Variants in PXDNL observed in about 807,000 individuals in gnomAD.
The protein encoded by PXDNL is probable oxidoreductase PXDNL.
Under a neutral mutation model 150.8 loss-of-function variants are expected in PXDNL, and 145 were observed. That is an observed-to-expected ratio of 0.96 (90% confidence interval 0.84 to 1.10). The LOEUF (loss-of-function observed/expected upper bound fraction) is 1.10. Among genes scored for constraint, PXDNL ranks in the 50% least tolerant of loss-of-function variants. The pLI is 0.00. For missense variants in PXDNL, 2,087 were observed against 1,873.9 expected (o/e 1.11, Z -2.10); for synonymous variants, 757 against 725.7 (o/e 1.04, Z -0.69).
Position 51,556,824 on chromosome 8 carries a change from A to G in PXDNL, c.380+16T>C. On this transcript the variant is annotated intron_variant, in intron 4 of 22. Coordinates refer to ENST00000356297, the MANE Select transcript of PXDNL (RefSeq NM_144651.5). ...GTCACCATGAGTGATTTAATAAAAAAGTTTCTATTACTTACAGATGTTCCA... is the reference window on the plus strand; with the variant it reads ...GTCACCATGAGTGATTTAATAAAAAGGTTTCTATTACTTACAGATGTTCCA... 7.1e-7 allele frequency: 1 copy of G among 1,399,946 alleles called. No individual in the cohort carries two copies. Among genetic ancestry groups the G allele is most frequent in the East Asian group, 2.3e-5 (1 of 43,748 alleles). The allele number at this position is 1,399,946 out of a possible 1,614,324, so 86.7% of individuals were successfully genotyped here. A position where few individuals can be genotyped will look rare whatever the true frequency, so the allele number is the denominator to read the frequency against.
chr8:51,360,042 C>CAAAAAAAAAAAAAAAAAAAAAA (rs1366137848), intron 19 of PXDNL, among the ~76,000 whole-genome samples: 1 of 85,610 alleles, frequency 1.2e-5, no homozygotes, highest in Non-Finnish European at 2.7e-5. Context: ...AAGAGAAAAG[C>CAAAAAAAAAAAAAAAAAAAAAA]AAAAAAAAAA....
intron 1 of PXDNL, among the ~76,000 whole-genome samples, chr8:51,694,005 C>A (rs931175801): frequency 6.6e-6 from 1 of 152,050 alleles, no homozygotes; most frequent in Middle Eastern, 3.2e-3. Flanking sequence ...AGTAATATTC[C>A]AAAGCATCAC....
At chr8:51,468,912 C>T (rs968869039) in intron 8 of PXDNL, among the ~76,000 whole-genome samples, 1 of 151,826 alleles carries the variant, frequency 6.6e-6, no homozygotes, top group African/African-American at 2.4e-5. Flanking sequence ...TTGTTCAGTC[C>T]TTAATAATCT....
intron 1 of PXDNL, among the ~76,000 whole-genome samples, chr8:51,707,590 G>A (rs7816661): frequency 0.022 from 3,278 of 152,100 alleles, 110 homozygotes; most frequent in African/African-American, 0.069. Context: ...TTTGTTAACC[G>A]CAGATACTGT....
intron 1 of PXDNL, among the ~76,000 whole-genome samples, chr8:51,695,564 C>G (rs534278230): frequency 1.3e-5 from 2 of 152,004 alleles, no homozygotes; most frequent in African/African-American, 4.8e-5. Context: ...TTAACAAATT[C>G]GTTGGGTGAG....
intron 4 of PXDNL, among the ~76,000 whole-genome samples, chr8:51,522,924 T>G (rs1811692669): frequency 1.3e-5 from 2 of 151,770 alleles, no homozygotes; most frequent in Non-Finnish European, 2.9e-5. Flanking sequence ...TTTAATAAAA[T>G]ACTTTATCTT....
chr8:51,762,839 C>T (rs533500428), intron 1 of PXDNL, among the ~76,000 whole-genome samples: 3 of 152,264 alleles, frequency 2.0e-5, no homozygotes, highest in African/African-American at 7.2e-5. Flanking sequence ...CAGAGTTTGA[C>T]TCTTTTCATC....
At chr8:51,574,755 A>G (rs961541309) in intron 3 of PXDNL, among the ~76,000 whole-genome samples, 4 of 152,040 alleles carry the variant, frequency 2.6e-5, no homozygotes, top group Non-Finnish European at 5.9e-5. Context: ...GAATTGGTAC[A>G]TTTTTCCAGT....
chr8:51,372,112 G>C (rs28647691), intron 18 of PXDNL, 31 bp from the exon 19 acceptor site: 1 of 1,503,716 alleles, frequency 6.7e-7, no homozygotes, highest in Admixed American at 2.0e-5. Flanking sequence ...AAACATTGTC[G>C]TGGGTCTGTG....
intron 1 of PXDNL, among the ~76,000 whole-genome samples, chr8:51,778,581 T>A (rs2037380445): frequency 6.6e-6 from 1 of 152,070 alleles, no homozygotes; most frequent in African/African-American, 2.4e-5. Flanking sequence ...ACTTTTCCAG[T>A]GAGATATTAT....
At chr8:51,676,783 G>A (rs1355855972) in intron 1 of PXDNL, among the ~76,000 whole-genome samples, 1 of 152,122 alleles carries the variant, frequency 6.6e-6, no homozygotes, top group East Asian at 1.9e-4. Context: ...TCATCACTAT[G>A]TATTATCAAG....
At position 51,798,141 on chromosome 8, in the gene PXDNL, T is replaced by C. The variant is rs1000697976; in HGVS notation, c.164+11040A>G. Among the ~76,000 whole-genome samples the C allele has an allele frequency of 3.9e-5, 6 of 152,154 alleles. No individual in the cohort carries two copies. In the East Asian group the frequency reaches 9.6e-4, roughly 24 times the overall value. On this transcript the variant is annotated intron_variant, in intron 1 of 22. Transcript: ENST00000356297. ...CTAGCCATATGCAGAAAATTGAAAC[T>C]GGACTCATTATACAAAAATTATACC...
intron 2 of PXDNL, among the ~76,000 whole-genome samples, chr8:51,644,561 G>A (rs1250957533): frequency 1.3e-4 from 20 of 150,480 alleles, no homozygotes; most frequent in African/African-American, 3.7e-4. Flanking sequence ...CCAGGTTCAC[G>A]CCATTCTCCT....
chr8:51,356,601 T>C (rs1806518003), intron 19 of PXDNL, among the ~76,000 whole-genome samples: 2 of 152,202 alleles, frequency 1.3e-5, no homozygotes, highest in South Asian at 4.1e-4. Context: ...TGATATAAAA[T>C]ATTAAATCTC....
intron 19 of PXDNL, among the ~76,000 whole-genome samples, chr8:51,347,879 G>A (rs1375607844): frequency 6.6e-6 from 1 of 151,616 alleles, no homozygotes; most frequent in Non-Finnish European, 1.5e-5. Context: ...AATTAATAAC[G>A]CATAAATATT....
At chr8:51,471,903 G>A (rs1390776116) in intron 8 of PXDNL, among the ~76,000 whole-genome samples, 1 of 152,034 alleles carries the variant, frequency 6.6e-6, no homozygotes, top group African/African-American at 2.4e-5. Context: ...AGCCAGGATG[G>A]TCTCGATCTC....
intron 21 of PXDNL, among the ~76,000 whole-genome samples, chr8:51,328,213 T>G (rs1313493536): frequency 6.6e-6 from 1 of 152,266 alleles, no homozygotes; most frequent in Admixed American, 6.5e-5. Flanking sequence ...GCCAAGATTT[T>G]GGACTGTCCA....
chr8:51,474,357 A>G (rs1171947779), intron 7 of PXDNL, among the ~76,000 whole-genome samples: 1 of 152,246 alleles, frequency 6.6e-6, no homozygotes, highest in East Asian at 1.9e-4. Context: ...AAAATCAAAT[A>G]ATATTGTAAG....
At chr8:51,656,984 C>T (rs1378499283) in intron 1 of PXDNL, among the ~76,000 whole-genome samples, 2 of 97,446 alleles carry the variant, frequency 2.1e-5, no homozygotes, top group Non-Finnish European at 5.9e-5. Context: ...TACTCCTTGA[C>T]TTATGACGGG....
Sources: gnomAD v4.1 joint callset for allele counts (sites outside exome capture counted in the v4.1 genomes callset) on GRCh38, gnomAD v4.1.1 for gene constraint, MANE v1.5 for transcripts, NCBI Gene and HGNC (gene_info 2026-07-23, HGNC 2026-07-21) for gene names.